The following RBM33 variants were observed in gnomAD, a reference collection of about 807,000 sequenced individuals.
RBM33 encodes the protein RNA binding motif protein 33, also known as RNA-binding protein 33.
RBM33 carries 28 observed loss-of-function variants against 132.6 expected under a neutral mutation model. The observed-to-expected ratio is 0.21, with a 90% CI of 0.16 to 0.29. The LOEUF is 0.29. Among genes scored for constraint, RBM33 ranks in the 10% least tolerant of loss-of-function variants. The pLI is 1.00. For missense variants in RBM33, 1,291 were observed against 1,518.5 expected (o/e 0.85, Z 2.49); for synonymous variants, 634 against 593.0 (o/e 1.07, Z -1.01).
In RBM33 at chr7:155,745,714, C is replaced by G; in HGVS notation, c.2979+112C>G. 9.4e-7 allele frequency: 1 copy of G among 1,062,116 alleles called. No homozygotes were observed. The highest frequency in any genetic ancestry group is 1.7e-5 in the South Asian group (1 of 58,216). 65.8% of individuals were successfully genotyped at this position (1,062,116 alleles called of 1,614,324 possible). ...AATTAAAAGTTACCTCTGTTATAGT[C>G]TTGTAACCAATCTCTACCTACTTGA... On this transcript the variant is annotated intron_variant, in intron 14 of 17. Transcript: ENST00000401878. The surrounding 1 kb of genome is among the most constrained non-coding windows in gnomAD (Gnocchi z 4.1).
At position 155,644,760 on chromosome 7, in the gene RBM33, C is replaced by A; in HGVS notation, c.-117C>A. ...GCGAAGCGCCCGGCTTCGCCTCTGC[C>A]TCCTGCAGCCCCCTCCCTTCTCTGT... On this transcript the variant is annotated 5_prime_UTR_variant, in exon 1 of 18. Transcript: ENST00000401878. 1.2e-6 allele frequency: 1 copy of A among 843,160 alleles called. No individual in the cohort carries two copies. The highest frequency in any genetic ancestry group is 1.7e-6 in the Non-Finnish European group (1 of 589,172). 52.2% of individuals were successfully genotyped at this position (843,160 alleles called of 1,614,324 possible).
chr7:155,673,805 T>C lies in RBM33; in HGVS notation c.171+890T>C, dbSNP rs1432428544. Among the ~76,000 whole-genome samples the C allele has an allele frequency of 2.6e-3, 234 of 88,456 alleles. 4 individuals are homozygous for C. The highest frequency in any genetic ancestry group is 8.6e-3 in the African/African-American group (224 of 26,132). 58.0% of individuals were successfully genotyped at this position (88,456 alleles called of 152,430 possible). A position where few individuals can be genotyped will look rare whatever the true frequency, so the allele number is the denominator to read the frequency against. Reference sequence around the variant, plus strand: ...ACACACACACACACACACACACCCCTACCAGTATATTTCGGACATTATAAA... The same window carrying C: ...ACACACACACACACACACACACCCCCACCAGTATATTTCGGACATTATAAA... On this transcript the variant is annotated intron_variant, in intron 3 of 17. Coordinates refer to ENST00000401878, the MANE Select transcript of RBM33 (RefSeq NM_053043.3).
intron 14 of RBM33, among the ~76,000 whole-genome samples, chr7:155,763,419 C>T (rs1487186829): frequency 6.6e-6 from 1 of 152,246 alleles, no homozygotes; most frequent in East Asian, 1.9e-4. Context: ...AAAACCACTG[C>T]TCATGCAAAC....
At chr7:155,695,634 T>C (rs1799769605) in intron 5 of RBM33, among the ~76,000 whole-genome samples, 1 of 152,100 alleles carries the variant, frequency 6.6e-6, no homozygotes, top group Admixed American at 6.6e-5. Context: ...TAATTTTTTA[T>C]ATTTTTGGTA....
Position 155,739,773 on chromosome 7 carries a change from A to AACAGCCCCCGCC in RBM33, c.1802_1813dup (p.Pro601_Gln604dup). The AACAGCCCCCGCC allele has an allele frequency of 1.9e-6, 3 of 1,539,826 alleles. No individual in the cohort carries two copies. Among genetic ancestry groups the AACAGCCCCCGCC allele is most frequent in the Non-Finnish European group, 1.8e-6 (2 of 1,141,112 alleles). On this transcript the variant is annotated inframe_insertion, in exon 12 of 18. Transcript: ENST00000401878. ...CAGCCTCAGCCTCAGCAACCTCAGCAACAGCCCCCGCCACAGCACCAGCCT... is the reference window on the plus strand; with the variant it reads ...CAGCCTCAGCCTCAGCAACCTCAGCAACAGCCCCCGCCACAGCCCCCGCCACAGCACCAGCCT...
intron 9 of RBM33, among the ~76,000 whole-genome samples, chr7:155,721,813 G>A (rs1317994065): frequency 6.6e-6 from 1 of 152,108 alleles, no homozygotes; most frequent in Non-Finnish European, 1.5e-5. Flanking sequence ...GGCTTTGCTT[G>A]TAGTTAGACT....
rs1361660588 is a variant in RBM33 at position 155,741,659 on chromosome 7, TGTATGAGAAAAAAA to T, written c.2050-146_2050-133del. Among the ~76,000 whole-genome samples the T allele has an allele frequency of 5.3e-5, 8 of 152,298 alleles. No individual in the cohort carries two copies. In the South Asian group the frequency reaches 8.3e-4, roughly 16 times the overall value. ...TGCCACATGGATCAGGTGACATTTATGTATGAGAAAAAAAGTATGAGAAAAAAGTATCTGCTCCC... is the reference window on the plus strand; with the variant it reads ...TGCCACATGGATCAGGTGACATTTATGTATGAGAAAAAAGTATCTGCTCCC... On this transcript the variant is annotated intron_variant, in intron 12 of 17. Coordinates refer to ENST00000401878, the MANE Select transcript of RBM33 (RefSeq NM_053043.3).
intron 6 of RBM33, among the ~76,000 whole-genome samples, chr7:155,705,940 A>C (rs1800098725): frequency 6.6e-6 from 1 of 152,224 alleles, no homozygotes; most frequent in Admixed American, 6.5e-5. Context: ...AAGGCTTCAC[A>C]GTAAAGTTTT....
intron 3 of RBM33, among the ~76,000 whole-genome samples, chr7:155,677,761 T>A (rs1311375699): frequency 6.6e-6 from 1 of 152,226 alleles, no homozygotes; most frequent in Non-Finnish European, 1.5e-5. Context: ...TGCTTGTTTG[T>A]TCACCTTTAA....
At chr7:155,741,493 A>G (rs1801334371) in intron 12 of RBM33, among the ~76,000 whole-genome samples, 1 of 152,162 alleles carries the variant, frequency 6.6e-6, no homozygotes, top group Non-Finnish European at 1.5e-5. Context: ...TGGCTGTCTT[A>G]ATTCTTTTAA....
intron 9 of RBM33, among the ~76,000 whole-genome samples, chr7:155,724,990 T>TTTTTTTTTTGTGTG (rs71186056): frequency 4.1e-5 from 5 of 123,366 alleles, no homozygotes; most frequent in African/African-American, 1.7e-4. Context: ...GTGTACAGGT[T>TTTTTTTTTTGTGTG]TGTGTGTGTG....
chr7:155,716,316 G>GTTTTTTTTTTTTTTTTT lies in RBM33; in HGVS notation c.1202-2053_1202-2052insTTTTTTTTTTTTTTTTT, dbSNP rs59289310. 6.1e-3 allele frequency among the ~76,000 whole-genome samples: 622 copies of GTTTTTTTTTTTTTTTTT among 102,274 alleles called. 61 individuals are homozygous for GTTTTTTTTTTTTTTTTT. Among genetic ancestry groups the GTTTTTTTTTTTTTTTTT allele is most frequent in the East Asian group, 0.015 (44 of 2,898 alleles). 67.1% of individuals were successfully genotyped at this position (102,274 alleles called of 152,430 possible). A position where few individuals can be genotyped will look rare whatever the true frequency, so the allele number is the denominator to read the frequency against. ...TGTCAGCTGTTTTTCCTTTTCTGCT[G>GTTTTTTTTTTTTTTTTT]TTTTTTTTTTTTTTTTAAATAGGGA... On this transcript the variant is annotated intron_variant, in intron 8 of 17. Transcript: ENST00000401878.
At chr7:155,740,425 A>C (rs6962926) in intron 12 of RBM33, among the ~76,000 whole-genome samples, 4,395 of 152,322 alleles carry the variant, frequency 0.029, 210 homozygotes, top group African/African-American at 0.099. Flanking sequence ...CCCTGAATAA[A>C]TACATAAATG....
chr7:155,657,461 C>T (rs1290267265), intron 1 of RBM33, among the ~76,000 whole-genome samples: 1 of 152,134 alleles, frequency 6.6e-6, no homozygotes, highest in Non-Finnish European at 1.5e-5. Context: ...GCTAGCCTGG[C>T]AAAAAGATGT....
chr7:155,658,517 C>T (rs1209096602), intron 1 of RBM33, among the ~76,000 whole-genome samples: 3 of 151,770 alleles, frequency 2.0e-5, no homozygotes, highest in Admixed American at 6.6e-5. Flanking sequence ...TCTCCTGCCT[C>T]AGTCTCCTGA....
At chr7:155,747,927 T>C (rs1801569709) in intron 14 of RBM33, among the ~76,000 whole-genome samples, 1 of 152,244 alleles carries the variant, frequency 6.6e-6, no homozygotes, top group Non-Finnish European at 1.5e-5. Context: ...AATTGCAAAT[T>C]GTGCTTATTT....
intron 14 of RBM33, among the ~76,000 whole-genome samples, chr7:155,758,335 C>A (rs904308905): frequency 1.4e-4 from 21 of 152,130 alleles, no homozygotes; most frequent in Admixed American, 1.2e-3. Flanking sequence ...GGACTGGTTT[C>A]TTGGAAGACA....
intron 13 of RBM33, 66 bp downstream of exon 13, chr7:155,742,172 T>C: frequency 7.0e-7 from 1 of 1,432,930 alleles, no homozygotes; most frequent in Non-Finnish European, 9.4e-7. Context: ...AACTTGGATG[T>C]CTTAGTTCAC....
intron 5 of RBM33, among the ~76,000 whole-genome samples, chr7:155,693,820 G>A (rs1452957868): frequency 6.6e-6 from 1 of 152,128 alleles, no homozygotes; most frequent in Admixed American, 6.5e-5. Flanking sequence ...GTGCTGAGAA[G>A]TAGAAGTTGC....
Sources: gnomAD v4.1 joint callset for allele counts (sites outside exome capture counted in the v4.1 genomes callset) on GRCh38, gnomAD v4.1.1 for gene constraint, Gnocchi (gnomAD v3.1) non-coding constraint, MANE v1.5 for transcripts, NCBI Gene and HGNC (gene_info 2026-07-23, HGNC 2026-07-21) for gene names.